The following ASIC2 variants were observed in gnomAD, a reference collection of about 807,000 sequenced individuals.
ASIC2 encodes the protein acid-sensing ion channel 2.
ASIC2 carries 25 observed loss-of-function variants against 57.3 expected under a neutral mutation model. The observed-to-expected ratio is 0.44, with a 90% CI of 0.32 to 0.61. The LOEUF (loss-of-function observed/expected upper bound fraction) is 0.61. Ranked by LOEUF, ASIC2 falls within the 20% of genes least tolerant of loss-of-function variation. The pLI, the probability that ASIC2 is intolerant of heterozygous loss-of-function variation, is 0.06. For missense variants in ASIC2, 641 were observed against 738.1 expected, an observed-to-expected ratio of 0.87 and a Z score of 1.52; for synonymous variants, 319 against 307.5, an observed-to-expected ratio of 1.04 and a Z score of -0.39.
intron 1 of ASIC2, among the ~76,000 whole-genome samples, chr17:33,731,279 G>A (rs534756906): frequency 6.6e-6 from 1 of 152,088 alleles, no homozygotes; most frequent in African/African-American, 2.4e-5. Flanking sequence ...GAAGTTCCTG[G>A]GATCTCTTGC....
chr17:34,032,065 T>A (rs550908303), intron 1 of ASIC2, among the ~76,000 whole-genome samples: 1 of 152,114 alleles, frequency 6.6e-6, no homozygotes, highest in African/African-American at 2.4e-5. Flanking sequence ...AATTGTCAGA[T>A]GAACCAAAGT....
At chr17:34,001,276 T>C (rs1471694333) in intron 1 of ASIC2, 1 of 152,352 alleles carries the variant, frequency 6.6e-6, no homozygotes, top group African/African-American at 2.4e-5. Flanking sequence ...GGGTGGGCCA[T>C]CTGATGAGGT....
chr17:33,292,728 G>C lies in ASIC2; in HGVS notation c.-613C>G, dbSNP rs528694153. The C allele has an allele frequency of 6.0e-5, 59 of 985,768 alleles. No individual in the cohort carries two copies. Among genetic ancestry groups the C allele is most frequent in the African/African-American group, 7.0e-5 (4 of 57,316 alleles). 61.1% of individuals were successfully genotyped at this position (985,768 alleles called of 1,614,324 possible). A position where few individuals can be genotyped will look rare whatever the true frequency, so the allele number is the denominator to read the frequency against. ...TGGGCGGGCGGGGTGGGTGTGTACG[G>C]GGGTGAGTGGTCGCCTTGCCGGCTG... On this transcript the variant is annotated 5_prime_UTR_variant, in exon 1 of 10. Coordinates refer to ENST00000225823, the MANE Select transcript of ASIC2 (RefSeq NM_183377.2).
intron 1 of ASIC2, among the ~76,000 whole-genome samples, chr17:34,021,157 C>G: frequency 6.6e-6 from 1 of 151,998 alleles, no homozygotes; most frequent in African/African-American, 2.4e-5. Flanking sequence ...GCTTGGGTGA[C>G]GGGTGCACCA....
At chr17:33,062,810 G>A (rs190262243) in intron 3 of ASIC2, among the ~76,000 whole-genome samples, 1 of 152,172 alleles carries the variant, frequency 6.6e-6, no homozygotes, top group African/African-American at 2.4e-5. Context: ...TCTCTTTGTA[G>A]GTCTCTAAGG....
At chr17:34,116,383 T>C (rs1911424888) in intron 1 of ASIC2, among the ~76,000 whole-genome samples, 1 of 152,132 alleles carries the variant, frequency 6.6e-6, no homozygotes, top group African/African-American at 2.4e-5. Flanking sequence ...TTTACTTCAG[T>C]GTCAGTTTTT....
At chr17:33,063,574 T>C (rs967559841) in intron 3 of ASIC2, among the ~76,000 whole-genome samples, 6 of 152,214 alleles carry the variant, frequency 3.9e-5, no homozygotes, top group Non-Finnish European at 7.3e-5. Context: ...ACCCAACCTT[T>C]CTCTCTGGCT....
intron 1 of ASIC2, among the ~76,000 whole-genome samples, chr17:34,125,048 G>C (rs192619425): frequency 6.6e-6 from 1 of 151,166 alleles, no homozygotes; most frequent in Admixed American, 6.6e-5. Context: ...CCCTATTCTG[G>C]AAAAACGTCT....
intron 1 of ASIC2, among the ~76,000 whole-genome samples, chr17:33,943,180 C>T (rs145704836): frequency 6.6e-6 from 1 of 152,144 alleles, no homozygotes; most frequent in Non-Finnish European, 1.5e-5. Context: ...CTTTTATTAT[C>T]CAGTACAGTA....
intron 1 of ASIC2, among the ~76,000 whole-genome samples, chr17:33,725,632 CTTAT>C (rs984757070): frequency 3.3e-5 from 5 of 151,992 alleles, no homozygotes; most frequent in Non-Finnish European, 7.3e-5. Flanking sequence ...ATTGCAAACA[CTTAT>C]AGGATCCTAC....
At chr17:33,383,278 G>A (rs1909556188) in intron 1 of ASIC2, among the ~76,000 whole-genome samples, 1 of 152,116 alleles carries the variant, frequency 6.6e-6, no homozygotes, top group African/African-American at 2.4e-5. Context: ...GTGGTTTGAG[G>A]GTGAGGCCAT....
chr17:33,330,464 A>G (rs1247041719), intron 1 of ASIC2, among the ~76,000 whole-genome samples: 1 of 152,202 alleles, frequency 6.6e-6, no homozygotes, highest in Non-Finnish European at 1.5e-5. Flanking sequence ...CTGTACACAG[A>G]CATTCACCAC....
At chr17:33,482,819 G>A (rs76201073) in intron 1 of ASIC2, among the ~76,000 whole-genome samples, 29 of 152,224 alleles carry the variant, frequency 1.9e-4, no homozygotes, top group South Asian at 8.3e-4. Flanking sequence ...GCCTTCTCTC[G>A]GACACACCTG....
rs561774882 is a variant in ASIC2 at position 33,875,023 on chromosome 17, G to A, written c.555+280955C>T. The stretch of plus-strand genomic sequence containing the variant: ...CAGCTAGTTTTTAAGCTCCAAGAGG[G>A]CAGGGATCATGCATTTGAGCCAATA... On this transcript the variant is annotated intron_variant, in intron 1 of 9. Transcript: ENST00000359872. Among the ~76,000 whole-genome samples the A allele has an allele frequency of 4.6e-5, 7 of 152,288 alleles. No individual in the cohort carries two copies. In the South Asian group the frequency reaches 1.5e-3, roughly 32 times the overall value.
chr17:33,423,906 A>G (rs951771643), intron 1 of ASIC2, among the ~76,000 whole-genome samples: 2 of 152,198 alleles, frequency 1.3e-5, no homozygotes, highest in Admixed American at 6.5e-5. Context: ...TTCCTCAGAA[A>G]TGTACCAGTT....
intron 1 of ASIC2, among the ~76,000 whole-genome samples, chr17:34,028,548 T>C (rs1414332632): frequency 6.6e-6 from 1 of 152,228 alleles, no homozygotes; most frequent in African/African-American, 2.4e-5. Flanking sequence ...ATGAATTTAC[T>C]CTTTTAATAA....
chr17:33,312,222 A>G (rs1405340057), intron 1 of ASIC2, among the ~76,000 whole-genome samples: 1 of 152,200 alleles, frequency 6.6e-6, no homozygotes, highest in African/African-American at 2.4e-5. Context: ...AACCTGGTGT[A>G]TAGTGCCTGG....
chr17:33,359,004 A>C (rs1428541190), intron 1 of ASIC2, among the ~76,000 whole-genome samples: 2 of 152,236 alleles, frequency 1.3e-5, no homozygotes, highest in Non-Finnish European at 2.9e-5. Context: ...GGACTTAAGA[A>C]GGTGGGGAGC....
chr17:33,790,115 T>C (rs1463375703), intron 1 of ASIC2, among the ~76,000 whole-genome samples: 2 of 152,340 alleles, frequency 1.3e-5, no homozygotes, highest in African/African-American at 2.4e-5. Flanking sequence ...ATAATACTAA[T>C]GTGGGCATTA....
Sources: gnomAD v4.1 joint callset for allele counts (sites outside exome capture counted in the v4.1 genomes callset) on GRCh38, gnomAD v4.1.1 for gene constraint, MANE v1.5 for transcripts, NCBI Gene and HGNC (gene_info 2026-07-23, HGNC 2026-07-21) for gene names.